TRMT2B: variants seen among roughly 807,000 people sequenced by gnomAD.
The protein encoded by TRMT2B is tRNA (uracil-5-)-methyltransferase homolog B.
Under a neutral mutation model 39.7 loss-of-function variants are expected in TRMT2B, and 34 were observed. The observed-to-expected ratio is 0.86, with a 90% CI of 0.65 to 1.14. TRMT2B has a LOEUF of 1.14. TRMT2B is among the 50% of genes most tolerant of loss of function. TRMT2B has a pLI of 0.00. For missense variants in TRMT2B, 318 were observed against 377.2 expected, an observed-to-expected ratio of 0.84 and a Z score of 1.30; for synonymous variants, 132 against 137.3, an observed-to-expected ratio of 0.96 and a Z score of 0.27.
chrX:101,034,372 C>T (rs938513718), intron 7 of TRMT2B, among the ~76,000 whole-genome samples: 64 of 108,009 alleles, frequency 5.9e-4, no homozygotes, highest in Non-Finnish European at 1.1e-3. Context: ...GAACTCCTGA[C>T]CTCAAGTGAT....
downstream of TRMT2B, among the ~76,000 whole-genome samples, chrX:101,007,496 AAG>A (rs1465766010): frequency 9.1e-6 from 1 of 110,225 alleles, no homozygotes; most frequent in African/African-American, 3.3e-5. Flanking sequence ...AAAATACAAA[AAG>A]AAAAAAAATG....
the TRMT2B span, chrX:100,973,551 G>A: frequency 3.2e-6 from 3 of 930,420 alleles, no homozygotes; most frequent in Non-Finnish European, 4.5e-6. Context: ...ATAGAATGAA[G>A]TAATAGACTT....
At chrX:101,023,732 C>G (rs769854950) in intron 7 of TRMT2B, 116 bp from the exon 8 acceptor site, 14 of 676,025 alleles carry the variant, frequency 2.1e-5, no homozygotes, top group African/African-American at 1.5e-4. Context: ...TATGTTGAAG[C>G]CTTAACCACC....
chrX:100,974,060 A>G, the TRMT2B span: 1 of 881,051 alleles, frequency 1.1e-6, no homozygotes, highest in Non-Finnish European at 1.6e-6. Flanking sequence ...GAAGAGTATA[A>G]CTCTCTGTTT....
chrX:100,998,071 A>G, the TRMT2B span, among the ~76,000 whole-genome samples: 2 of 110,410 alleles, frequency 1.8e-5, no homozygotes, highest in Non-Finnish European at 3.8e-5. Context: ...CCTGGCCAAC[A>G]TGGTGAAATC....
At chrX:101,000,121 A>ATTT in the TRMT2B span, among the ~76,000 whole-genome samples, 629 of 95,833 alleles carry the variant, frequency 6.6e-3, 6 homozygotes, top group African/African-American at 0.019. Context: ...ATGAGAGTTA[A>ATTT]TTTTTTTTTT....
At chrX:100,983,087 T>A in the TRMT2B span, among the ~76,000 whole-genome samples, 1 of 110,846 alleles carries the variant, frequency 9.0e-6, no homozygotes, top group Non-Finnish European at 1.9e-5. Flanking sequence ...CCACTAGGGA[T>A]ACAGAAATGA....
At chrX:101,034,585 T>A (rs1314976166) in intron 7 of TRMT2B, among the ~76,000 whole-genome samples, 1 of 111,838 alleles carries the variant, frequency 8.9e-6, no homozygotes, top group Non-Finnish European at 1.9e-5. Context: ...CTAGTAAATA[T>A]TTTTTTAAAG....
At chrX:100,986,760 C>G in the TRMT2B span, 1 of 1,022,264 alleles carries the variant, frequency 9.8e-7, no homozygotes, top group African/African-American at 1.9e-5. Context: ...TTTCACTCTT[C>G]CACTCTTTTC....
the TRMT2B span, chrX:100,987,504 A>T: frequency 8.3e-7 from 1 of 1,211,560 alleles, no homozygotes; most frequent in Non-Finnish European, 1.1e-6. Flanking sequence ...TACCTCGAGC[A>T]TCTCAATCTC....
At chrX:101,015,132 G>T (rs750740291) in intron 13 of TRMT2B, among the ~76,000 whole-genome samples, 25 of 111,621 alleles carry the variant, frequency 2.2e-4, no homozygotes, top group Non-Finnish European at 3.4e-4. Flanking sequence ...GAATGGATGT[G>T]GCATAGTTGA....
In TRMT2B at chrX:101,021,633, A is replaced by G. The variant is rs1176273954; in HGVS notation, c.852-318T>C. Among the ~76,000 whole-genome samples, 4 of 106,382 alleles carry G rather than the reference A, an allele frequency of 3.8e-5. No individual in the cohort carries two copies. The East Asian group carries it at 8.7e-4, about 23-fold the overall frequency. 92.4% of individuals were successfully genotyped at this position (106,382 alleles called of 115,157 possible). A position where few individuals can be genotyped will look rare whatever the true frequency, so the allele number is the denominator to read the frequency against. On this transcript the variant is annotated intron_variant, in intron 9 of 13. Coordinates refer to ENST00000372936, the MANE Select transcript of TRMT2B (RefSeq NM_024917.6). ...AACAGAGCGAGACTCGGTCTCAAAG[A>G]AAAAAAAAAAGCAAAACAAAAAAAA... is the stretch of plus-strand genomic sequence containing the variant.
Position 101,037,918 on chromosome X carries a change from G to T in TRMT2B, c.437C>A (p.Ser146Tyr). The T allele has an allele frequency of 1.7e-6, 2 of 1,209,686 alleles. 1 individual carries two copies. The highest frequency in any genetic ancestry group is 3.5e-5 in the South Asian group (2 of 56,662). Residue 146 changes from serine to tyrosine, a missense_variant and splice_region_variant, in exon 5 of 14, where the codon TCT becomes TAT. Transcript: ENST00000372936. ...LSCLLHPIIP[S>Y]PVINGYRNKS... ...AGGAATAGGGAGGTGGGGGCTTACAGAGGGTATAATAGGATGGAGAAGACA... is the reference window on the plus strand; with the variant it reads ...AGGAATAGGGAGGTGGGGGCTTACATAGGGTATAATAGGATGGAGAAGACA...
At chrX:101,049,106 CAT>C (rs897694898) in intron 2 of TRMT2B, among the ~76,000 whole-genome samples, 2 of 111,504 alleles carry the variant, frequency 1.8e-5, no homozygotes, top group African/African-American at 3.3e-5. Context: ...CATACACACA[CAT>C]AGACACATAA....
At chrX:101,033,169 T>C (rs981510201) in intron 7 of TRMT2B, among the ~76,000 whole-genome samples, 3 of 107,410 alleles carry the variant, frequency 2.8e-5, no homozygotes, top group Non-Finnish European at 3.8e-5. Context: ...GGCAGGAGAA[T>C]TGCTTGAACC....
chrX:101,019,291 G>T lies in TRMT2B; in HGVS notation c.1281C>A (p.Ala427=), dbSNP rs757906963. ...SIVAVVNPAR[A]GLHYKVIQAI... ...ATAGCTGTTCATCCTTACGCAGTCC[G>T]GCACGGGCTGGGTTCACCACAGCAA... The change falls in exon 12 of 14, where the codon GCC becomes GCA. Residue 427 remains alanine, a synonymous_variant. Transcript: ENST00000372936. 1 of 1,209,702 alleles carries T rather than the reference G, an allele frequency of 8.3e-7. No homozygotes were observed. Among genetic ancestry groups the T allele is most frequent in the Admixed American group, 2.2e-5 (1 of 45,564 alleles).
chrX:101,036,277 C>T (rs1007445612), intron 6 of TRMT2B, among the ~76,000 whole-genome samples: 1 of 109,556 alleles, frequency 9.1e-6, no homozygotes, highest in Non-Finnish European at 1.9e-5. Context: ...GAAACCCCGT[C>T]TCTACCAAAA....
At chrX:101,021,026 C>G in intron 10 of TRMT2B, 75 bp downstream of exon 10, 3 of 994,824 alleles carry the variant, frequency 3.0e-6, no homozygotes, top group Non-Finnish European at 4.3e-6. Context: ...ACTACCTCTC[C>G]CCGACCACCT....
chrX:100,978,164 TGAG>T, the TRMT2B span, among the ~76,000 whole-genome samples: 1 of 112,567 alleles, frequency 8.9e-6, no homozygotes, highest in African/African-American at 3.2e-5. Flanking sequence ...ATCAATATGC[TGAG>T]GAGAATAATG....
Sources: gnomAD v4.1 joint callset for allele counts (sites outside exome capture counted in the v4.1 genomes callset) on GRCh38, gnomAD v4.1.1 for gene constraint, MANE v1.5 for transcripts, NCBI Gene and HGNC (gene_info 2026-07-23, HGNC 2026-07-21) for gene names.